FAM13B: variants seen among roughly 807,000 people sequenced by gnomAD.
FAM13B encodes the protein protein FAM13B.
Under a neutral mutation model 117.3 loss-of-function variants are expected in FAM13B, and 60 were observed. The observed-to-expected ratio is 0.51, with a 90% CI of 0.42 to 0.63. FAM13B has a LOEUF of 0.63. Among genes scored for constraint, FAM13B ranks in the 30% least tolerant of loss-of-function variants. FAM13B has a pLI of 0.00. For missense variants in FAM13B, 972 were observed against 1,091.9 expected, an observed-to-expected ratio of 0.89 and a Z score of 1.55; for synonymous variants, 332 against 356.1, an observed-to-expected ratio of 0.93 and a Z score of 0.76.
upstream of FAM13B, among the ~76,000 whole-genome samples, chr5:138,035,187 AT>A (rs1163665597): frequency 6.7e-6 from 1 of 150,202 alleles, no homozygotes; most frequent in African/African-American, 2.4e-5. Flanking sequence ...TAATTTTAAA[AT>A]TTTTTTAGAG....
At chr5:138,026,655 A>AAC (rs1554082505) in intron 1 of FAM13B, among the ~76,000 whole-genome samples, 13 of 121,092 alleles carry the variant, frequency 1.1e-4, no homozygotes, top group Non-Finnish European at 2.1e-4. Flanking sequence ...AAAAAAAAAA[A>AAC]TTGGTCAGGC....
chr5:138,031,864 TAA>T (rs1205612588), intron 1 of FAM13B, among the ~76,000 whole-genome samples: 1 of 152,146 alleles, frequency 6.6e-6, no homozygotes, highest in Non-Finnish European at 1.5e-5. Flanking sequence ...AACCCAGCTC[TAA>T]AAAGACAAAT....
intron 13 of FAM13B, among the ~76,000 whole-genome samples, chr5:137,959,359 TA>T (rs895722819): frequency 2.0e-5 from 3 of 152,152 alleles, no homozygotes; most frequent in Non-Finnish European, 4.4e-5. Context: ...GGTGACTTTT[TA>T]AAAAAATCAG....
chr5:138,014,566 C>CA (rs1284975822), intron 4 of FAM13B, among the ~76,000 whole-genome samples: 1 of 152,222 alleles, frequency 6.6e-6, no homozygotes, highest in Non-Finnish European at 1.5e-5. Context: ...TCCCTGGTGT[C>CA]AAAAAGGTTG....
In FAM13B at chr5:138,002,664, AT is replaced by A. The variant is rs70979561; in HGVS notation, c.848+4325del. ...CTGATCAAACAAATCTGTTCCCTCTATTTTTTTTTTTTTTTTTTTGAGACAG... is the reference window on the plus strand; with the variant it reads ...CTGATCAAACAAATCTGTTCCCTCTATTTTTTTTTTTTTTTTTTGAGACAG... On this transcript the variant is annotated intron_variant, in intron 7 of 23. Coordinates refer to ENST00000689681, the MANE Select transcript of FAM13B (RefSeq NM_001385994.1). Among the ~76,000 whole-genome samples the A allele has an allele frequency of 1.6e-3, 190 of 120,294 alleles. 1 individual carries two copies. The highest frequency in any genetic ancestry group is 0.011 in the Middle Eastern group (2 of 186). The allele number at this position is 120,294 out of a possible 152,430, so 78.9% of individuals were successfully genotyped here. A position where few individuals can be genotyped will look rare whatever the true frequency, so the allele number is the denominator to read the frequency against.
At chr5:138,016,567 A>G (rs1186236836) in intron 4 of FAM13B, among the ~76,000 whole-genome samples, 1 of 152,128 alleles carries the variant, frequency 6.6e-6, no homozygotes, top group Non-Finnish European at 1.5e-5. Flanking sequence ...CCTGGAGATC[A>G]AGACTGTAGT....
At chr5:138,013,518 T>A (rs1257541315) in intron 4 of FAM13B, among the ~76,000 whole-genome samples, 12 of 127,062 alleles carry the variant, frequency 9.4e-5, no homozygotes, top group East Asian at 2.5e-4. Flanking sequence ...AAAAAAAAAA[T>A]TTTAAGTTTA....
intron 10 of FAM13B, among the ~76,000 whole-genome samples, chr5:137,965,821 A>G (rs898724671): frequency 6.6e-6 from 1 of 152,192 alleles, no homozygotes; most frequent in South Asian, 2.1e-4. Flanking sequence ...ACAGTTTCTC[A>G]GTGTTTGCAA....
At position 137,940,131 on chromosome 5, in the gene FAM13B, T is replaced by C. The variant is rs1258740314; in HGVS notation, c.*94A>G. On this transcript the variant is annotated 3_prime_UTR_variant, in exon 24 of 24. Coordinates refer to ENST00000689681, the MANE Select transcript of FAM13B (RefSeq NM_001385994.1). ...TACAAAATGAGATTCTCTGAGTGCCTGACAAAACGAATTTAAGTACCAGCC... is the reference window on the plus strand; with the variant it reads ...TACAAAATGAGATTCTCTGAGTGCCCGACAAAACGAATTTAAGTACCAGCC... 3.7e-6 allele frequency: 6 copies of C among 1,613,906 alleles called. No homozygotes were observed. Among genetic ancestry groups the C allele is most frequent in the Non-Finnish European group, 4.2e-6 (5 of 1,179,888 alleles).
At chr5:138,035,981 T>G (rs1791115918), upstream of FAM13B, among the ~76,000 whole-genome samples, 1 of 152,196 alleles carries the variant, frequency 6.6e-6, no homozygotes. Flanking sequence ...AGTTATTTAC[T>G]TCTTTCCACG....
chr5:137,999,991 G>A (rs1189609347), intron 7 of FAM13B, among the ~76,000 whole-genome samples: 2 of 152,092 alleles, frequency 1.3e-5, no homozygotes, highest in African/African-American at 2.4e-5. Context: ...AATCCTTCAC[G>A]ATAGAAATTC....
intron 14 of FAM13B, among the ~76,000 whole-genome samples, chr5:137,955,664 C>T (rs1766307792): frequency 1.3e-5 from 2 of 152,116 alleles, no homozygotes; most frequent in Admixed American, 6.5e-5. Context: ...TGGAGTCTTG[C>T]TCTGTCACCC....
chr5:138,031,760 A>G (rs779206629), intron 1 of FAM13B, among the ~76,000 whole-genome samples: 13 of 152,162 alleles, frequency 8.5e-5, no homozygotes, highest in Admixed American at 2.0e-4. Context: ...TTCCATCAAC[A>G]AGCACTTAGT....
intron 7 of FAM13B, among the ~76,000 whole-genome samples, chr5:138,006,525 A>G (rs916147836): frequency 6.6e-6 from 1 of 152,168 alleles, no homozygotes; most frequent in Non-Finnish European, 1.5e-5. Flanking sequence ...AGCCTACCAC[A>G]TTTATCGAAT....
Position 137,985,239 on chromosome 5 carries a change from ATT to A in FAM13B, c.1179+16_1179+17del, listed in dbSNP as rs1407963133. On this transcript the variant is annotated intron_variant, in intron 10 of 23. Transcript: ENST00000689681. ...AATCAAAGTTGTACATCTAACACAT[ATT>A]TTTGACATTCCTTACCTGGGTATTT... 6.2e-7 allele frequency: 1 copy of A among 1,610,550 alleles called. No homozygotes were observed. Among genetic ancestry groups the A allele is most frequent in the Non-Finnish European group, 8.5e-7 (1 of 1,178,656 alleles).
chr5:137,987,086 G>A (rs945988245), intron 9 of FAM13B, among the ~76,000 whole-genome samples: 8 of 152,114 alleles, frequency 5.3e-5, no homozygotes, highest in African/African-American at 1.7e-4. Flanking sequence ...ATGCACTATA[G>A]TGATATCAAT....
chr5:138,011,268 C>T, intron 5 of FAM13B, 119 bp from the exon 6 acceptor site: 1 of 909,528 alleles, frequency 1.1e-6, no homozygotes, highest in South Asian at 1.6e-5. Context: ...TCTGTGCTTC[C>T]ATTCTCCCAT....
chr5:138,038,416 CTT>C (rs1298710492), intron 1 of FAM13B: 1 of 152,186 alleles, frequency 6.6e-6, no homozygotes, highest in East Asian at 1.9e-4. Context: ...TGTGACTACT[CTT>C]GATTCTCACA....
intron 1 of FAM13B, among the ~76,000 whole-genome samples, chr5:138,022,284 G>C (rs1786973471): frequency 6.6e-6 from 1 of 152,216 alleles, no homozygotes; most frequent in Non-Finnish European, 1.5e-5. Flanking sequence ...GTTTGGCAAA[G>C]TGTTTAATAT....
Sources: allele counts gnomAD v4.1 joint callset (sites outside exome capture counted in the v4.1 genomes callset), GRCh38; gene constraint gnomAD v4.1.1; transcripts MANE v1.5; gene names NCBI Gene and HGNC (gene_info 2026-07-23, HGNC 2026-07-21).